ZC4H2: variants seen among roughly 807,000 people sequenced by gnomAD.
The protein encoded by ZC4H2 is zinc finger C4H2-type containing.
For missense variants in ZC4H2, 137 were observed against 173.9 expected (o/e 0.79, Z 1.19); for synonymous variants, 84 against 66.3 (o/e 1.27, Z -1.30).
chrX:64,932,196 C>A (rs939625368), intron 1 of ZC4H2, among the ~76,000 whole-genome samples: 3 of 110,331 alleles, frequency 2.7e-5, no homozygotes, highest in Non-Finnish European at 5.7e-5. Flanking sequence ...CTTTTGGTTT[C>A]CATTTGTGTG....
chrX:65,003,929 C>T (rs180960132), intron 1 of ZC4H2, among the ~76,000 whole-genome samples: 1 of 109,662 alleles, frequency 9.1e-6, no homozygotes, highest in Non-Finnish European at 1.9e-5. Flanking sequence ...CACAGAAACA[C>T]AAACTAACAC....
At chrX:65,010,983 T>C (rs1410908135) in intron 1 of ZC4H2, among the ~76,000 whole-genome samples, 2 of 112,060 alleles carry the variant, frequency 1.8e-5, no homozygotes, top group African/African-American at 6.5e-5. Flanking sequence ...CTTTGGTGAA[T>C]TAGTTTTTTC....
At chrX:65,001,998 C>T (rs753588410) in intron 1 of ZC4H2, among the ~76,000 whole-genome samples, 3 of 111,271 alleles carry the variant, frequency 2.7e-5, no homozygotes, top group African/African-American at 9.8e-5. Context: ...TAGTGGGAGA[C>T]TTTAACACCC....
At chrX:64,952,898 A>G (rs1930930198) in intron 1 of ZC4H2, among the ~76,000 whole-genome samples, 1 of 111,748 alleles carries the variant, frequency 8.9e-6, no homozygotes, top group Non-Finnish European at 1.9e-5. Flanking sequence ...AGCTGGAGGC[A>G]TCACGCTACC....
chrX:64,971,219 T>A (rs1931770892), intron 1 of ZC4H2, among the ~76,000 whole-genome samples: 1 of 112,578 alleles, frequency 8.9e-6, no homozygotes, highest in African/African-American at 3.2e-5. Flanking sequence ...AGTGAAGATG[T>A]TTGAGAAATA....
chrX:64,976,254 AATAG>A, intron 1 of ZC4H2, 67 bp downstream of exon 1: 1 of 1,120,657 alleles, frequency 8.9e-7, no homozygotes. Flanking sequence ...ACAGCCCAAC[AATAG>A]ATAATTAGCC....
At chrX:65,024,957 G>A (rs1368638339) in intron 1 of ZC4H2, among the ~76,000 whole-genome samples, 8 of 110,408 alleles carry the variant, frequency 7.2e-5, no homozygotes, top group Admixed American at 6.8e-4. Flanking sequence ...TCATTACTTG[G>A]TCTAATATAT....
At chrX:65,006,370 T>A (rs757980139) in intron 1 of ZC4H2, among the ~76,000 whole-genome samples, 2 of 111,584 alleles carry the variant, frequency 1.8e-5, no homozygotes, top group South Asian at 7.6e-4. Context: ...CATGGAATAC[T>A]ATGCAGCAAT....
At chrX:64,949,924 T>A (rs1204467745) in intron 1 of ZC4H2, among the ~76,000 whole-genome samples, 1 of 111,903 alleles carries the variant, frequency 8.9e-6, no homozygotes, top group Non-Finnish European at 1.9e-5. Flanking sequence ...TCTCTAGTTC[T>A]TTTAATTGTG....
rs1932810103 is a variant in ZC4H2 at position 65,018,195 on chromosome X, A to G, written c.-272+16434T>C. Reference sequence around the variant, plus strand: ...ACAGACACTTCTCAAAAGACGACATACAAGCTGCCAACAAACATGAAAAAA... The same window carrying G: ...ACAGACACTTCTCAAAAGACGACATGCAAGCTGCCAACAAACATGAAAAAA... On this transcript the variant is annotated intron_variant, in intron 1 of 4. Transcript: ENST00000337990. 2.7e-5 allele frequency among the ~76,000 whole-genome samples: 3 copies of G among 112,817 alleles called. No individual in the cohort carries two copies. In the South Asian group the frequency reaches 1.1e-3, roughly 41 times the overall value.
intron 1 of ZC4H2, among the ~76,000 whole-genome samples, chrX:65,019,848 C>T (rs1231002659): frequency 3.6e-5 from 4 of 111,501 alleles, no homozygotes; most frequent in Non-Finnish European, 7.5e-5. Context: ...ATAAATGATC[C>T]GATGGAGATG....
intron 1 of ZC4H2, among the ~76,000 whole-genome samples, chrX:64,982,541 C>A (rs1602437004): frequency 8.9e-6 from 1 of 112,239 alleles, no homozygotes; most frequent in African/African-American, 3.2e-5. Context: ...GGGGATAATT[C>A]AGTGAATAGA....
intron 1 of ZC4H2, among the ~76,000 whole-genome samples, chrX:65,020,076 G>T (rs1437588505): frequency 8.9e-6 from 1 of 112,026 alleles, no homozygotes; most frequent in East Asian, 2.8e-4. Flanking sequence ...GTACCTGAAA[G>T]TTACAGGGAG....
Position 64,976,345 on chromosome X carries a change from C to T in ZC4H2, c.33G>A (p.Leu11=), listed in dbSNP as rs756320692. MADEQEIMCK[L]ESIKEIRNKT... ...CTTACCTGATCTCTTTAATGCTTTC[C>T]AATTTGCACATGATTTCTTGCTCAT... Residue 11 remains leucine (L), a synonymous_variant, in exon 1 of 5, where the codon TTG becomes TTA. Coordinates refer to ENST00000374839, the MANE Select transcript of ZC4H2 (RefSeq NM_018684.4). 1 of 1,210,155 alleles carries T rather than the reference C, an allele frequency of 8.3e-7. No individual in the cohort carries two copies. Among genetic ancestry groups the T allele is most frequent in the African/African-American group, 1.7e-5 (1 of 57,173 alleles).
chrX:64,928,556 G>C (rs757060154), intron 1 of ZC4H2, among the ~76,000 whole-genome samples: 1 of 110,104 alleles, frequency 9.1e-6, no homozygotes, highest in African/African-American at 3.3e-5. Flanking sequence ...ATGTTAAGCG[G>C]GTTTTTCATA....
chrX:65,003,872 G>T (rs1168922531), intron 1 of ZC4H2, among the ~76,000 whole-genome samples: 4 of 103,196 alleles, frequency 3.9e-5, no homozygotes, highest in Non-Finnish European at 7.9e-5. Flanking sequence ...GTGAAACTAT[G>T]TCTCAAAAAA....
At chrX:64,952,192 T>A (rs1930879460) in intron 1 of ZC4H2, among the ~76,000 whole-genome samples, 1 of 110,863 alleles carries the variant, frequency 9.0e-6, no homozygotes, top group East Asian at 2.8e-4. Flanking sequence ...CATGCTGTTT[T>A]GGTTACTGTA....
At chrX:64,976,496 C>A (rs1931955479), upstream of ZC4H2, 4 of 777,935 alleles carry the variant, frequency 5.1e-6, no homozygotes, top group Admixed American at 7.1e-5. Flanking sequence ...GCGGTAGGGG[C>A]TTGGAGAGGC....
In ZC4H2 at chrX:64,917,600, C is replaced by T; in HGVS notation, c.*183G>A. On this transcript the variant is annotated 3_prime_UTR_variant, in exon 5 of 5. Transcript: ENST00000374839. Reference sequence around the variant, plus strand: ...GTTTAGCACCTGAACCACATCTCTTCCTAAACCAGAAATCCCAAGAGCAGA... The same window carrying T: ...GTTTAGCACCTGAACCACATCTCTTTCTAAACCAGAAATCCCAAGAGCAGA... 1.6e-6 allele frequency: 1 copy of T among 635,908 alleles called. No homozygotes were observed. The highest frequency in any genetic ancestry group is 2.3e-6 in the Non-Finnish European group (1 of 433,709). The allele number at this position is 635,908 out of a possible 1,213,427, so 52.4% of individuals were successfully genotyped here.
Sources: allele counts gnomAD v4.1 joint callset (sites outside exome capture counted in the v4.1 genomes callset), GRCh38; gene constraint gnomAD v4.1.1; transcripts MANE v1.5; gene names NCBI Gene and HGNC (gene_info 2026-07-23, HGNC 2026-07-21).